AGRN: variants seen among roughly 807,000 people sequenced by gnomAD.
AGRN encodes agrin proteoglycan.
In AGRN, 106 loss-of-function variants were observed where a neutral mutation model predicts 211.0. That is an observed-to-expected ratio of 0.50 (90% CI 0.43 to 0.59). The LOEUF (loss-of-function observed/expected upper bound fraction) is 0.59, where lower values mean the gene tolerates loss of function less well. AGRN is among the 20% of genes least tolerant of loss of function. The pLI, the probability that AGRN is intolerant of heterozygous loss-of-function variation, is 0.00. For synonymous variants in AGRN, 1,525 were observed against 1,332.5 expected, an observed-to-expected ratio of 1.14 and a Z score of -3.15; for missense variants, 3,040 against 2,982.6, an observed-to-expected ratio of 1.02 and a Z score of -0.45.
At position 1,048,791 on chromosome 1, in the gene AGRN, CAG is replaced by C. The variant is rs140904842; in HGVS notation, c.4106-75_4106-74del. On this transcript the variant is annotated intron_variant, in intron 23 of 35. Transcript: ENST00000379370. The surrounding 1 kb of genome is among the most constrained non-coding windows in gnomAD (Gnocchi z 5.9). ...TCAAAAAAAAAAAAAAAAAAAAAAG[CAG>C]GGGGCGGTTTCAGGGATAAAAGTGG... The C allele has an allele frequency of 0.6, 788,245 of 1,317,606 alleles. 233,071 individuals are homozygous for C. Among genetic ancestry groups the C allele is most frequent in the East Asian group, 0.81 (31,319 of 38,822 alleles). The allele number at this position is 1,317,606 out of a possible 1,614,324, so 81.6% of individuals were successfully genotyped here. A position where few individuals can be genotyped will look rare whatever the true frequency, so the allele number is the denominator to read the frequency against.
At chr1:1,038,718 G>C (rs1163151690) in intron 3 of AGRN, among the ~76,000 whole-genome samples, 1 of 152,230 alleles carries the variant, frequency 6.6e-6, no homozygotes, top group Non-Finnish European at 1.5e-5. Flanking sequence ...GGACCTGGGG[G>C]GAACCATTGG....
Position 1,043,984 on chromosome 1 carries a change from A to G in AGRN, c.1960A>G (p.Thr654Ala). 1.2e-6 allele frequency: 2 copies of G among 1,606,798 alleles called. No homozygotes were observed. Among genetic ancestry groups the G allele is most frequent in the African/African-American group, 1.3e-5 (1 of 74,988 alleles). Residue 654 changes from threonine (T) to alanine (A), a missense_variant, in exon 10 of 36, where the codon ACA becomes GCA. This residue lies in a region of AGRN where 1,498 missense variants were observed against 1,457.8 expected (regional missense o/e 1.03). Coordinates refer to ENST00000379370, the MANE Select transcript of AGRN (RefSeq NM_198576.4). ...ELREAACLQQ[T>A]QIEEARAGPC... is the part of the protein sequence containing the mutation. Reference sequence around the variant, plus strand: ...ACGGGAAGCCGCCTGCCTCCAGCAGACACAGATCGAGGAGGCCCGGGCAGG... The same window carrying G: ...ACGGGAAGCCGCCTGCCTCCAGCAGGCACAGATCGAGGAGGCCCGGGCAGG...
In AGRN at chr1:1,047,404, G is replaced by T; in HGVS notation, c.3466G>T (p.Asp1156Tyr). Residue 1156 changes from aspartate to tyrosine, a missense_variant, in exon 20 of 36, where the codon GAC (aspartate) becomes TAC (tyrosine). By Grantham distance (160) the Asp-to-Tyr change is radical. Transcript: ENST00000379370. ...QELFYTPEMADPKSELFGETA... is the reference protein window; with the variant it reads ...QELFYTPEMAYPKSELFGETA... ...GCTGTTCTACACGCCCGAGATGGCT[G>T]ACCCCAAGTCAGAACTGTTCGGGGA... The T allele has an allele frequency of 6.2e-7, 1 of 1,612,500 alleles. No homozygotes were observed. The highest frequency in any genetic ancestry group is 2.2e-5 in the East Asian group (1 of 44,858).
chr1:1,023,283 C>T (rs1291382099), intron 2 of AGRN, among the ~76,000 whole-genome samples: 1 of 152,200 alleles, frequency 6.6e-6, no homozygotes, highest in Non-Finnish European at 1.5e-5. Context: ...TAGCCTGGCT[C>T]TTGAGGGGTC....
intron 2 of AGRN, chr1:1,034,814 G>A: frequency 2.9e-6 from 2 of 681,902 alleles, no homozygotes; most frequent in Non-Finnish European, 3.7e-6. Context: ...AGCTTCCCGG[G>A]GATGGGATGG....
chr1:1,036,026 G>A (rs986615166), intron 3 of AGRN, among the ~76,000 whole-genome samples: 2 of 152,110 alleles, frequency 1.3e-5, no homozygotes, highest in African/African-American at 2.4e-5. Context: ...TGGCTCCCTC[G>A]CCAGGCCTGG....
intron 3 of AGRN, among the ~76,000 whole-genome samples, chr1:1,036,702 T>C (rs1644812230): frequency 6.6e-6 from 1 of 151,744 alleles, no homozygotes; most frequent in Admixed American, 6.6e-5. Flanking sequence ...CTGATGGCCC[T>C]CCAACACCCG....
intron 19 of AGRN, 64 bp downstream of exon 19, chr1:1,047,021 C>G (rs967554412): frequency 6.5e-7 from 1 of 1,546,418 alleles, no homozygotes; most frequent in African/African-American, 1.4e-5. Context: ...GTGCTGCCCC[C>G]TCGCCTGGGC....
rs1644680266 is a variant in AGRN, at chr1:1,031,702, C to T, written c.464-3575C>T. ...TCTGTGTGGGGGCAAACTTCCCAGG[C>T]AGTGTTTGAGGCCCCCTCTGCCAGC... On this transcript the variant is annotated intron_variant, in intron 2 of 35. Coordinates refer to ENST00000379370, the MANE Select transcript of AGRN (RefSeq NM_198576.4). The surrounding 1 kb of genome is among the most constrained non-coding windows in gnomAD (Gnocchi z 4.8). Among the ~76,000 whole-genome samples, 1 of 152,212 alleles carries T rather than the reference C, an allele frequency of 6.6e-6. No individual in the cohort carries two copies. The highest frequency in any genetic ancestry group is 1.5e-5 in the Non-Finnish European group (1 of 68,020).
chr1:1,048,022 T>C lies in AGRN; in HGVS notation c.3762T>C (p.Pro1254=), dbSNP rs1645150923. The change falls in exon 23 of 36, where the codon CCT becomes CCC. Residue 1254 remains proline (P), a synonymous_variant. Transcript: ENST00000379370. This position sits in a 1 kb window ranked among gnomAD's most constrained non-coding sequence, Gnocchi z 5.9. ...HVRFMDFDWF[P]AFITGATSGA... ...TCCCTGTGCCGGCAGACTGGTTTCC[T>C]GCGTTTATCACGGGGGCCACGTCAG... is the stretch of plus-strand genomic sequence containing the variant. 2.5e-6 allele frequency: 4 copies of C among 1,584,240 alleles called. No homozygotes were observed. The highest frequency in any genetic ancestry group is 3.5e-5 in the Admixed American group (2 of 57,478).
chr1:1,035,228 GGAGGAGCCTGCTCA>G (rs745917271), intron 2 of AGRN, 35 bp from the exon 3 acceptor site: 2 of 1,606,202 alleles, frequency 1.2e-6, no homozygotes, highest in African/African-American at 2.7e-5. Context: ...GATGGGACAG[GGAGGAGCCTGCTCA>G]GAGGAGCCTA....
At position 1,055,439 on chromosome 1, in the gene AGRN, C is replaced by T; in HGVS notation, c.*458C>T. On this transcript the variant is annotated 3_prime_UTR_variant, in exon 36 of 36. Coordinates refer to ENST00000379370, the MANE Select transcript of AGRN (RefSeq NM_198576.4). Reference sequence around the variant, plus strand: ...TGTGTGCTCTGGGCCCTGCCTCGGCCTCCTGCGCCAATACTGTGACTTCCA... The same window carrying T: ...TGTGTGCTCTGGGCCCTGCCTCGGCTTCCTGCGCCAATACTGTGACTTCCA... The T allele has an allele frequency of 3.4e-6, 1 of 297,282 alleles. No individual in the cohort carries two copies. The allele number at this position is 297,282 out of a possible 1,614,324, so 18.4% of individuals were successfully genotyped here.
At chr1:1,020,802 TG>T (rs1175464196) in intron 1 of AGRN, among the ~76,000 whole-genome samples, 1 of 134,416 alleles carries the variant, frequency 7.4e-6, no homozygotes, top group African/African-American at 2.7e-5. Context: ...GCGCACAGCC[TG>T]AGCTCCCAAC....
intron 29 of AGRN, 52 bp downstream of exon 29, chr1:1,050,643 G>A (rs1645255830): frequency 1.2e-6 from 2 of 1,603,640 alleles, no homozygotes; most frequent in African/African-American, 1.3e-5. Flanking sequence ...CCCGGGGCCG[G>A]GGCACCAGCA....
chr1:1,043,954 G>A lies in AGRN; in HGVS notation c.1930G>A (p.Glu644Lys), dbSNP rs767435056. 1.3e-5 allele frequency: 21 copies of A among 1,606,028 alleles called. No homozygotes were observed. Among genetic ancestry groups the A allele is most frequent in the East Asian group, 2.2e-5 (1 of 44,776 alleles). Reference sequence around the variant, plus strand: ...CGGTGTCACCTACGGCAGTGCCTGCGAGCTACGGGAAGCCGCCTGCCTCCA... The same window carrying A: ...CGGTGTCACCTACGGCAGTGCCTGCAAGCTACGGGAAGCCGCCTGCCTCCA... Reference protein sequence around the residue: ...SDGVTYGSACELREAACLQQT... With the variant: ...SDGVTYGSACKLREAACLQQT... Residue 644 changes from glutamate to lysine, a missense_variant, in exon 10 of 36, where the codon GAG becomes AAG. Physicochemically the swap from Glu to Lys is moderately conservative, Grantham distance 56. Around this residue, in one of 3 missense-constraint regions of AGRN, gnomAD observed 1,498 missense variants for 1,457.8 expected, o/e 1.03. Coordinates refer to ENST00000379370, the MANE Select transcript of AGRN (RefSeq NM_198576.4).
rs754282794 is a variant in AGRN at position 1,040,871 on chromosome 1, G to C, written c.718G>C (p.Gly240Arg). The C allele has an allele frequency of 9.2e-6, 14 of 1,516,916 alleles. No homozygotes were observed. Among genetic ancestry groups the C allele is most frequent in the Non-Finnish European group, 1.1e-5 (12 of 1,140,190 alleles). The allele number at this position is 1,516,916 out of a possible 1,614,324, so 94.0% of individuals were successfully genotyped here. A position where few individuals can be genotyped will look rare whatever the true frequency, so the allele number is the denominator to read the frequency against. Residue 240 changes from glycine (G) to arginine (R), a missense_variant, in exon 4 of 36, where the codon GGG becomes CGG. By Grantham distance (125) the Gly-to-Arg change is moderately radical. Coordinates refer to ENST00000379370, the MANE Select transcript of AGRN (RefSeq NM_198576.4). ...QQRRIRLLSRGPCGSRDPCSN... is the reference protein window; with the variant it reads ...QQRRIRLLSRRPCGSRDPCSN... ...GCGCCGCATCCGCCTGCTCAGCCGC[G>C]GGCCGTGCGGTGAGCGGGGCGGGGC...
In AGRN at chr1:1,045,959, C is replaced by G; in HGVS notation, c.2681-5C>G. 1.9e-6 allele frequency: 3 copies of G among 1,613,470 alleles called. No homozygotes were observed. Among genetic ancestry groups the G allele is most frequent in the Non-Finnish European group, 2.5e-6 (3 of 1,180,006 alleles). ...CCACAGAGGTTTCCCATGCCCGTGC[C>G]CCAGACGCTTCTGCGCCTGCGACCT... On this transcript the variant is annotated splice_polypyrimidine_tract_variant and splice_region_variant and intron_variant, in intron 15 of 35. Transcript: ENST00000379370.
In AGRN at chr1:1,045,896, A is replaced by C. The variant is rs1570220243; in HGVS notation, c.2680+20A>C. ...AAGCTGGTGAGTGAGGGCCAGCGCT[A>C]CCCTGGGGCTTCATGGGGTGGGGTG... On this transcript the variant is annotated intron_variant, in intron 15 of 35. Coordinates refer to ENST00000379370, the MANE Select transcript of AGRN (RefSeq NM_198576.4). 2 of 1,609,946 alleles carry C rather than the reference A, an allele frequency of 1.2e-6. No homozygotes were observed. The highest frequency in any genetic ancestry group is 1.3e-5 in the African/African-American group (1 of 74,878).
chr1:1,055,191 T>G lies in AGRN; in HGVS notation c.*210T>G. On this transcript the variant is annotated 3_prime_UTR_variant, in exon 36 of 36. Coordinates refer to ENST00000379370, the MANE Select transcript of AGRN (RefSeq NM_198576.4). The stretch of plus-strand genomic sequence containing the variant: ...GGAGGGCTCGGCGTGGATGGCAGCC[T>G]CAGGACACACACCCCTGCCTCAAGG... The G allele has an allele frequency of 1.3e-6, 1 of 749,186 alleles. No individual in the cohort carries two copies. 46.4% of individuals were successfully genotyped at this position (749,186 alleles called of 1,614,324 possible).
Sources: allele counts gnomAD v4.1 joint callset (sites outside exome capture counted in the v4.1 genomes callset), GRCh38; gene constraint gnomAD v4.1.1; regional missense constraint gnomAD v4.1.1; non-coding constraint Gnocchi (gnomAD v3.1); transcripts MANE v1.5; gene names NCBI Gene and HGNC (gene_info 2026-07-23, HGNC 2026-07-21).